Variants in PCDHGA2 observed in about 807,000 individuals in gnomAD.
PCDHGA2 encodes protocadherin gamma-A2.
A neutral mutation model predicts 59.2 loss-of-function variants in PCDHGA2; 40 were observed. That is an observed-to-expected ratio of 0.68 (90% CI 0.52 to 0.88). The LOEUF (loss-of-function observed/expected upper bound fraction) is 0.88. Among genes scored for constraint, PCDHGA2 ranks in the 40% least tolerant of loss-of-function variants. The pLI, the probability that PCDHGA2 is intolerant of heterozygous loss-of-function variation, is 0.00. For missense variants in PCDHGA2, 1,226 were observed against 1,204.0 expected, an observed-to-expected ratio of 1.02 and a Z score of -0.27; for synonymous variants, 560 against 526.0, an observed-to-expected ratio of 1.06 and a Z score of -0.89.
rs558609501 is a variant in PCDHGA2, at chr5:141,487,648, G to C, written c.2425-7159G>C. On this transcript the variant is annotated intron_variant, in intron 1 of 3. Coordinates refer to ENST00000394576, the MANE Select transcript of PCDHGA2 (RefSeq NM_018915.4). This position sits in a 1 kb window ranked among gnomAD's most constrained non-coding sequence, Gnocchi z 5.0. ...CTTTGCAGGCTCAACAAATGCTTGA[G>C]GGTTATTCTGATCCAGGCATATGGC... is the stretch of plus-strand genomic sequence containing the variant. 34 of 1,613,904 alleles carry C rather than the reference G, an allele frequency of 2.1e-5. 1 individual carries two copies. The South Asian group carries it at 3.6e-4, about 17-fold the overall frequency.
chr5:141,507,525 A>T (rs1053801558), intron 3 of PCDHGA2, among the ~76,000 whole-genome samples: 1 of 152,000 alleles, frequency 6.6e-6, no homozygotes, highest in Non-Finnish European at 1.5e-5. Context: ...ATGATTCCAG[A>T]GAGGCCAGAG....
In PCDHGA2 at chr5:141,486,270, G is replaced by A. The variant is rs1052584402; in HGVS notation, c.2425-8537G>A. 2 of 1,614,062 alleles carry A rather than the reference G, an allele frequency of 1.2e-6. No homozygotes were observed. Reference sequence around the variant, plus strand: ...ACCCTCCCCGAGAGTGCAGAACCTGGCACTGTGGTGGCACTTATCAGTGTG... The same window carrying A: ...ACCCTCCCCGAGAGTGCAGAACCTGACACTGTGGTGGCACTTATCAGTGTG... On this transcript the variant is annotated intron_variant, in intron 1 of 3. Coordinates refer to ENST00000394576, the MANE Select transcript of PCDHGA2 (RefSeq NM_018915.4). This position sits in a 1 kb window ranked among gnomAD's most constrained non-coding sequence, Gnocchi z 5.0.
rs1352437587 is a variant in PCDHGA2 at position 141,389,683 on chromosome 5, C to T, written c.2424+48288C>T. The stretch of plus-strand genomic sequence containing the variant: ...GTGGACGCAGACTCAGGACACAACG[C>T]CTGGCTGTCCTACCACGTGCTGCAG... On this transcript the variant is annotated intron_variant, in intron 1 of 3. Coordinates refer to ENST00000394576, the MANE Select transcript of PCDHGA2 (RefSeq NM_018915.4). 14 of 1,612,374 alleles carry T rather than the reference C, an allele frequency of 8.7e-6. No individual in the cohort carries two copies. In the Admixed American group the frequency reaches 2.3e-4, roughly 27 times the overall value.
At chr5:141,351,835 G>T (rs769087131) in intron 1 of PCDHGA2, 1 of 1,613,110 alleles carries the variant, frequency 6.2e-7, no homozygotes. Flanking sequence ...GCGCCTTCGA[G>T]CTCACACTGC....
chr5:141,341,036 C>T lies in PCDHGA2; in HGVS notation c.2065C>T (p.Leu689Phe). ...CTCCGCCATACCCAACGATTCGGAC[C>T]TCACTCTGTACCTGGTGGTGGCGGT... ...EPSAIPNDSD[L>F]TLYLVVAVAA... is the part of the protein sequence containing the mutation. The change falls in exon 1 of 4, where the codon CTC (leucine) becomes TTC (phenylalanine). Residue 689 changes from leucine (L) to phenylalanine (F), a missense_variant. By Grantham distance (22) the Leu-to-Phe change is conservative. Transcript: ENST00000394576. The T allele has an allele frequency of 6.2e-7, 1 of 1,614,138 alleles. No homozygotes were observed. The highest frequency in any genetic ancestry group is 8.5e-7 in the Non-Finnish European group (1 of 1,180,014).
rs533686455 is a variant in PCDHGA2, at chr5:141,369,964, G to A, written c.2424+28569G>A. Among the ~76,000 whole-genome samples the A allele has an allele frequency of 3.5e-4, 53 of 152,298 alleles. No homozygotes were observed. The East Asian group carries it at 5.2e-3, about 15-fold the overall frequency. ...CAAGATTATCTCTGCCCTTTGACAA[G>A]TAAAAGGTACTTGATTTGGATGGAT... On this transcript the variant is annotated intron_variant, in intron 1 of 3. Coordinates refer to ENST00000394576, the MANE Select transcript of PCDHGA2 (RefSeq NM_018915.4).
chr5:141,485,577 G>A lies in PCDHGA2; in HGVS notation c.2425-9230G>A. Reference sequence around the variant, plus strand: ...AATGATCACGCCCCCCGTTTTCCGCGGCAGCAGCTGGACTTGGAAATTGGG... The same window carrying A: ...AATGATCACGCCCCCCGTTTTCCGCAGCAGCAGCTGGACTTGGAAATTGGG... On this transcript the variant is annotated intron_variant, in intron 1 of 3. Transcript: ENST00000394576. This position sits in a 1 kb window ranked among gnomAD's most constrained non-coding sequence, Gnocchi z 5.7. 2 of 1,612,500 alleles carry A rather than the reference G, an allele frequency of 1.2e-6. No individual in the cohort carries two copies. Among genetic ancestry groups the A allele is most frequent in the Non-Finnish European group, 8.5e-7 (1 of 1,178,676 alleles).
chr5:141,453,201 C>T (rs115660512), intron 1 of PCDHGA2, among the ~76,000 whole-genome samples: 2,052 of 152,204 alleles, frequency 0.013, 46 homozygotes, highest in African/African-American at 0.048. Flanking sequence ...GCAGCCTCAA[C>T]CTCGTGCACT....
intron 1 of PCDHGA2, chr5:141,424,024 C>T: frequency 9.6e-7 from 1 of 1,045,488 alleles, no homozygotes; most frequent in Non-Finnish European, 1.2e-6. Flanking sequence ...GATTCACAAA[C>T]ACTTTTTATT....
chr5:141,352,439 C>T, intron 1 of PCDHGA2: 1 of 1,614,072 alleles, frequency 6.2e-7, no homozygotes, highest in Non-Finnish European at 8.5e-7. Context: ...TCAAACCGGT[C>T]TCTGCTCCAA....
At chr5:141,420,086 TAC>T (rs1396904191) in intron 1 of PCDHGA2, 2 of 1,614,002 alleles carry the variant, frequency 1.2e-6, no homozygotes, top group Non-Finnish European at 1.7e-6. Context: ...TCCCCCCAAC[TAC>T]AGTGAGGGAA....
Position 141,431,953 on chromosome 5 carries a change from C to G in PCDHGA2, c.2425-62854C>G. 1.2e-6 allele frequency: 2 copies of G among 1,614,082 alleles called. No individual in the cohort carries two copies. Among genetic ancestry groups the G allele is most frequent in the East Asian group, 4.5e-5 (2 of 44,886 alleles). ...TGCCCTTTAAATTAGAAAAATCTTA[C>G]GGAAATTACTATAGTTTAGTCACAG... On this transcript the variant is annotated intron_variant, in intron 1 of 3. Transcript: ENST00000394576. The surrounding 1 kb of genome is among the most constrained non-coding windows in gnomAD (Gnocchi z 4.8).
At chr5:141,495,193 T>G (rs1471524188) in intron 2 of PCDHGA2, among the ~76,000 whole-genome samples, 2 of 152,192 alleles carry the variant, frequency 1.3e-5, no homozygotes, top group Non-Finnish European at 2.9e-5. Flanking sequence ...TCTATGCCCA[T>G]GTACTGCCTA....
At position 141,340,452 on chromosome 5, in the gene PCDHGA2, A is replaced by G; in HGVS notation, c.1481A>G (p.Asp494Gly). ...NAHVTYSFAE[D>G]TVQGAPLSSY... The stretch of plus-strand genomic sequence containing the variant: ...CATGTAACTTACTCTTTCGCGGAGG[A>G]CACTGTTCAGGGGGCACCCTTATCC... The change falls in exon 1 of 4, where the codon GAC becomes GGC. Residue 494 changes from aspartate to glycine, a missense_variant. Coordinates refer to ENST00000394576, the MANE Select transcript of PCDHGA2 (RefSeq NM_018915.4). The G allele has an allele frequency of 2.5e-6, 4 of 1,614,204 alleles. No individual in the cohort carries two copies. The South Asian group carries it at 3.3e-5, about 13-fold the overall frequency.
intron 1 of PCDHGA2, chr5:141,345,056 T>C (rs768057546): frequency 4.3e-6 from 7 of 1,613,954 alleles, no homozygotes; most frequent in Non-Finnish European, 5.1e-6. Flanking sequence ...TGGATGTGAA[T>C]GACAATGCTC....
chr5:141,449,075 T>C (rs1452456191), intron 1 of PCDHGA2, among the ~76,000 whole-genome samples: 3 of 152,240 alleles, frequency 2.0e-5, no homozygotes, highest in African/African-American at 7.2e-5. Context: ...AATAGCCCTG[T>C]ACCTACATCA....
intron 1 of PCDHGA2, chr5:141,393,880 T>A (rs1561645063): frequency 6.2e-7 from 1 of 1,614,004 alleles, no homozygotes; most frequent in Non-Finnish European, 8.5e-7. Context: ...TTTAGCCCAG[T>A]GTTAGAAAAT....
intron 1 of PCDHGA2, chr5:141,356,654 C>G (rs771447398): frequency 6.2e-7 from 1 of 1,613,898 alleles, no homozygotes; most frequent in African/African-American, 1.3e-5. Context: ...GGTGACAATG[C>G]CCGAATCACT....
chr5:141,478,849 C>A, intron 1 of PCDHGA2: 1 of 1,375,282 alleles, frequency 7.3e-7, no homozygotes, highest in Non-Finnish European at 9.6e-7. Flanking sequence ...TAAGCTAAAA[C>A]ACAAGATCTC....
Sources: gnomAD v4.1 joint callset for allele counts (sites outside exome capture counted in the v4.1 genomes callset) on GRCh38, gnomAD v4.1.1 for gene constraint, Gnocchi (gnomAD v3.1) non-coding constraint, MANE v1.5 for transcripts, NCBI Gene and HGNC (gene_info 2026-07-23, HGNC 2026-07-21) for gene names.